Variants in ABCG5 observed in about 807,000 individuals in gnomAD.
ABCG5 encodes the protein ATP binding cassette subfamily G member 5, also known as ATP-binding cassette sub-family G member 5.
In ABCG5, 64 loss-of-function variants were observed where a neutral mutation model predicts 64.5. The observed-to-expected ratio is 0.99, with a 90% CI of 0.81 to 1.22. The LOEUF (loss-of-function observed/expected upper bound fraction) is 1.22, where lower values mean the gene tolerates loss of function less well. ABCG5 is among the 50% of genes most tolerant of loss of function. ABCG5 has a pLI of 0.00. For synonymous variants in ABCG5, 385 were observed against 326.3 expected, an observed-to-expected ratio of 1.18 and a Z score of -1.94; for missense variants, 908 against 829.5, an observed-to-expected ratio of 1.09 and a Z score of -1.16.
At chr2:43,814,337 A>G (rs1455948775) in intron 12 of ABCG5, 140 bp downstream of exon 12, 2 of 645,026 alleles carry the variant, frequency 3.1e-6, no homozygotes, top group African/African-American at 1.8e-5. Context: ...AATCAGAGAA[A>G]ATGTTGGACT....
chr2:43,809,942 G>C, downstream of ABCG5: 1 of 1,329,180 alleles, frequency 7.5e-7, no homozygotes, highest in Non-Finnish European at 9.7e-7. Context: ...CTTTTTAAAA[G>C]GAAAAATTAT....
chr2:43,823,194 C>G (rs970200970), intron 9 of ABCG5, among the ~76,000 whole-genome samples: 2 of 152,076 alleles, frequency 1.3e-5, no homozygotes. Flanking sequence ...GAGTTGTCAC[C>G]AATTCACGAA....
chr2:43,827,007 T>C (rs748240965), intron 5 of ABCG5, among the ~76,000 whole-genome samples: 4 of 152,176 alleles, frequency 2.6e-5, no homozygotes, highest in Non-Finnish European at 4.4e-5. Flanking sequence ...TTAGAGGGTT[T>C]AAAGTAACTT....
At chr2:43,835,118 A>G (rs965948923) in intron 2 of ABCG5, among the ~76,000 whole-genome samples, 1 of 152,196 alleles carries the variant, frequency 6.6e-6, no homozygotes, top group Non-Finnish European at 1.5e-5. Flanking sequence ...GATTCATTTC[A>G]GTATAAAGTG....
intron 2 of ABCG5, among the ~76,000 whole-genome samples, chr2:43,837,291 TG>T (rs1470833209): frequency 2.6e-5 from 4 of 151,750 alleles, no homozygotes; most frequent in Non-Finnish European, 4.4e-5. Context: ...GGCTAACTTT[TG>T]TATGTTTTTG....
chr2:43,828,036 G>A lies in ABCG5; in HGVS notation c.581C>T (p.Ser194Phe), dbSNP rs1417291647. The change falls in exon 5 of 13, where the codon TCC (serine) becomes TTC (phenylalanine). Residue 194 changes from serine to phenylalanine, a missense_variant. Ser to Phe is a radical substitution (Grantham distance 155). Transcript: ENST00000405322. The stretch of plus-strand genomic sequence containing the variant: ...GGAGACCCGGCGCCGCTCACCCGTG[G>A]AAATGCCCCCCAAGCTGTAGTTGCC... Reference protein sequence around the residue: ...LIGNYSLGGISTGERRRVSIA... With the variant: ...LIGNYSLGGIFTGERRRVSIA... The A allele has an allele frequency of 6.8e-6, 11 of 1,614,130 alleles. No homozygotes were observed. In the East Asian group the frequency reaches 2.5e-4, roughly 36 times the overall value.
At chr2:43,832,119 C>T in intron 2 of ABCG5, 36 bp from the exon 3 acceptor site, 4 of 1,561,154 alleles carry the variant, frequency 2.6e-6, no homozygotes, top group Non-Finnish European at 3.5e-6. Context: ...AGAGGAACCA[C>T]TCTGTGCCGG....
At chr2:43,813,333 G>A in intron 12 of ABCG5, 24 bp from the exon 13 acceptor site, 1 of 1,525,212 alleles carries the variant, frequency 6.6e-7, no homozygotes, top group Non-Finnish European at 9.1e-7. Context: ...GATTGACAGT[G>A]TCAGGTGTGG....
In ABCG5 at chr2:43,819,940, C is replaced by G. The variant is rs951160382; in HGVS notation, c.1624G>C (p.Val542Leu). The G allele has an allele frequency of 3.1e-6, 5 of 1,614,098 alleles. No individual in the cohort carries two copies. Among genetic ancestry groups the G allele is most frequent in the Non-Finnish European group, 4.2e-6 (5 of 1,180,024 alleles). Residue 542 changes from valine (V) to leucine (L), a missense_variant, in exon 11 of 13, where the codon GTG (valine) becomes CTG (leucine). Val to Leu is a conservative substitution (Grantham distance 32). Transcript: ENST00000405322. ...SVVALLSIAG[V>L]LVGSGFLRNI... ...CTGAGGAATCCAGATCCAACAAGCA[C>G]CCCCGCAATGGACAGCAGAGCCACT...
At chr2:43,816,461 C>T (rs1321205267) in intron 11 of ABCG5, among the ~76,000 whole-genome samples, 11 of 152,178 alleles carry the variant, frequency 7.2e-5, no homozygotes, top group Admixed American at 7.2e-4. Context: ...CAGTGAAAGG[C>T]ACAGACAGAA....
chr2:43,806,471 T>C, the ABCG5 span, among the ~76,000 whole-genome samples: 15 of 152,206 alleles, frequency 9.9e-5, no homozygotes, highest in African/African-American at 3.6e-4. Flanking sequence ...TTGAAAAATA[T>C]GCCATGAATA....
intron 11 of ABCG5, among the ~76,000 whole-genome samples, chr2:43,818,193 T>A (rs1422920653): frequency 1.3e-5 from 2 of 152,218 alleles, no homozygotes; most frequent in African/African-American, 4.8e-5. Flanking sequence ...GGCTCACACC[T>A]GTAATCCTAG....
downstream of ABCG5, among the ~76,000 whole-genome samples, chr2:43,808,756 T>C (rs146085079): frequency 1.3e-5 from 2 of 152,166 alleles, no homozygotes; most frequent in Non-Finnish European, 2.9e-5. Context: ...CATTATGTTT[T>C]CATGTGGCCA....
upstream of ABCG5, chr2:43,838,919 A>G: frequency 8.5e-7 from 1 of 1,183,134 alleles, no homozygotes; most frequent in Non-Finnish European, 1.2e-6. This position sits in a 1 kb window ranked among gnomAD's most constrained non-coding sequence, Gnocchi z 4.2. Context: ...CCAGCAAGGA[A>G]TGCTGGGAGA....
chr2:43,808,713 C>G (rs1460485446), downstream of ABCG5, among the ~76,000 whole-genome samples: 2 of 152,160 alleles, frequency 1.3e-5, no homozygotes, highest in African/African-American at 4.8e-5. Context: ...ATCCTGCCCT[C>G]TCCCTATCTG....
downstream of ABCG5, among the ~76,000 whole-genome samples, chr2:43,809,001 T>A (rs1452403509): frequency 1.4e-5 from 2 of 146,796 alleles, no homozygotes; most frequent in African/African-American, 2.6e-5. Flanking sequence ...ACACACACAC[T>A]TTTTTGTGAC....
At chr2:43,818,041 C>A (rs1294958808) in intron 11 of ABCG5, among the ~76,000 whole-genome samples, 1 of 152,184 alleles carries the variant, frequency 6.6e-6, no homozygotes, top group African/African-American at 2.4e-5. Context: ...TCATCTAACA[C>A]AAAGCCTATT....
intron 2 of ABCG5, among the ~76,000 whole-genome samples, chr2:43,834,532 GT>G (rs1472855396): frequency 6.6e-6 from 1 of 152,022 alleles, no homozygotes; most frequent in Non-Finnish European, 1.5e-5. Flanking sequence ...AATGAATTTA[GT>G]TTTTTAAAAA....
Position 43,814,601 on chromosome 2 carries a change from GAAAAC to G in ABCG5, c.1650-17_1650-13del. 1 of 1,523,508 alleles carries G rather than the reference GAAAAC, an allele frequency of 6.6e-7. No individual in the cohort carries two copies. The highest frequency in any genetic ancestry group is 9.1e-7 in the Non-Finnish European group (1 of 1,099,390). The allele number at this position is 1,523,508 out of a possible 1,614,324, so 94.4% of individuals were successfully genotyped here. A position where few individuals can be genotyped will look rare whatever the true frequency, so the allele number is the denominator to read the frequency against. On this transcript the variant is annotated splice_polypyrimidine_tract_variant and intron_variant, in intron 11 of 12. Coordinates refer to ENST00000405322, the MANE Select transcript of ABCG5 (RefSeq NM_022436.3). ...TTTCTTGTATGTTTCTTAAGAAAAA[GAAAAC>G]AAAAATGAAATTCAGTAGGCTCTGG...
Sources: allele counts gnomAD v4.1 joint callset (sites outside exome capture counted in the v4.1 genomes callset), GRCh38; gene constraint gnomAD v4.1.1; non-coding constraint Gnocchi (gnomAD v3.1); transcripts MANE v1.5; gene names NCBI Gene and HGNC (gene_info 2026-07-23, HGNC 2026-07-21).